The following UBE2V1 variants were observed in gnomAD, a reference collection of about 807,000 sequenced individuals.
UBE2V1 encodes ubiquitin-conjugating enzyme E2 variant 1.
UBE2V1 carries 15 observed loss-of-function variants against 19.6 expected under a neutral mutation model. The ratio of observed to expected loss-of-function variants is 0.77; its 90% CI spans 0.51 to 1.18. UBE2V1 has a LOEUF of 1.18. Among genes scored for constraint, UBE2V1 ranks in the 50% most tolerant of loss-of-function variants. UBE2V1 has a pLI of 0.00. For missense variants in UBE2V1, 125 were observed against 184.8 expected (o/e 0.68, Z 1.88); for synonymous variants, 60 against 60.7 (o/e 0.99, Z 0.05).
At chr20:50,094,150 T>C (rs1159281587) in intron 2 of UBE2V1, among the ~76,000 whole-genome samples, 2 of 126,696 alleles carry the variant, frequency 1.6e-5, no homozygotes, top group Non-Finnish European at 3.3e-5. Flanking sequence ...ATCTTATATA[T>C]AATTATATGT....
intron 1 of UBE2V1, chr20:50,111,666 G>C: frequency 1.2e-6 from 1 of 849,934 alleles, no homozygotes; most frequent in Non-Finnish European, 1.4e-6. Flanking sequence ...GGTCACTTCA[G>C]TCAGATCCCC....
At chr20:50,083,223 C>T (rs919437427) in intron 3 of UBE2V1, among the ~76,000 whole-genome samples, 1 of 152,218 alleles carries the variant, frequency 6.6e-6, no homozygotes, top group African/African-American at 2.4e-5. Context: ...TGGCGGCTGC[C>T]GGGCTCAGGA....
rs1369319531 is a variant in UBE2V1 at position 50,081,695 on chromosome 20, G to T, written c.*1073C>A. On this transcript the variant is annotated 3_prime_UTR_variant, in exon 4 of 4. Coordinates refer to ENST00000371674, the MANE Select transcript of UBE2V1 (RefSeq NM_001032288.3). ...TTTTTAAAAGCAAAAGCAGTTACAG[G>T]AAAGTAAAACAATTCAGAGGGATCA... The T allele has an allele frequency of 5.0e-6, 1 of 199,932 alleles. No individual in the cohort carries two copies. The highest frequency in any genetic ancestry group is 2.3e-5 in the African/African-American group (1 of 42,950). The allele number at this position is 199,932 out of a possible 1,614,324, so 12.4% of individuals were successfully genotyped here.
At chr20:50,086,914 A>C (rs1784343393) in intron 2 of UBE2V1, among the ~76,000 whole-genome samples, 1 of 152,182 alleles carries the variant, frequency 6.6e-6, no homozygotes, top group Non-Finnish European at 1.5e-5. Context: ...TGTCTCTACT[A>C]AAAATACAAA....
intron 2 of UBE2V1, among the ~76,000 whole-genome samples, chr20:50,092,617 T>C (rs2079310892): frequency 6.6e-6 from 1 of 152,244 alleles, no homozygotes; most frequent in South Asian, 2.1e-4. Context: ...CTATTGTTAG[T>C]ACTTCTGTGG....
intron 2 of UBE2V1, among the ~76,000 whole-genome samples, chr20:50,086,008 C>T (rs1475073345): frequency 1.3e-5 from 2 of 152,140 alleles, no homozygotes; most frequent in Non-Finnish European, 2.9e-5. Context: ...CTGAACTCCC[C>T]CAAGTCTCTT....
At chr20:50,113,151 G>A (rs1441101665), upstream of UBE2V1, 5 of 1,332,842 alleles carry the variant, frequency 3.8e-6, no homozygotes, top group Non-Finnish European at 4.9e-6. Flanking sequence ...TTGCTTGAAG[G>A]CCGGCCCCTT....
chr20:50,104,889 G>A (rs879818928), intron 1 of UBE2V1, among the ~76,000 whole-genome samples: 4 of 151,860 alleles, frequency 2.6e-5, no homozygotes, highest in Non-Finnish European at 2.9e-5. Flanking sequence ...ACGACACCCA[G>A]TTAATTCTCA....
chr20:50,100,531 G>A (rs1173622091), intron 1 of UBE2V1, among the ~76,000 whole-genome samples: 2 of 151,982 alleles, frequency 1.3e-5, no homozygotes, highest in Non-Finnish European at 2.9e-5. Flanking sequence ...GTTGCAGTGA[G>A]CTGAGGTTGC....
intron 2 of UBE2V1, among the ~76,000 whole-genome samples, chr20:50,092,068 T>A (rs550229134): frequency 6.6e-6 from 1 of 151,738 alleles, no homozygotes; most frequent in African/African-American, 2.4e-5. Context: ...ATGCCTGTAA[T>A]CCCAGCACTT....
intron 2 of UBE2V1, among the ~76,000 whole-genome samples, chr20:50,086,104 A>T (rs1470474614): frequency 6.6e-6 from 1 of 152,160 alleles, no homozygotes; most frequent in African/African-American, 2.4e-5. Context: ...GATGGCTCCT[A>T]GTGACCTGAA....
chr20:50,099,404 T>C (rs2079840144), intron 1 of UBE2V1, among the ~76,000 whole-genome samples: 1 of 152,174 alleles, frequency 6.6e-6, no homozygotes, highest in African/African-American at 2.4e-5. Flanking sequence ...AGATGATAAG[T>C]GACATCTTAA....
intron 1 of UBE2V1, chr20:50,104,493 T>C (rs895392505): frequency 9.0e-6 from 3 of 334,304 alleles, no homozygotes; most frequent in Non-Finnish European, 1.3e-5. Flanking sequence ...CCGTCTCTAC[T>C]AAAAATACAA....
chr20:50,088,229 G>T (rs538220437), intron 2 of UBE2V1, among the ~76,000 whole-genome samples: 2 of 152,148 alleles, frequency 1.3e-5, no homozygotes, highest in East Asian at 3.9e-4. Context: ...GCCACGAGGA[G>T]CCAGAGATAT....
intron 1 of UBE2V1, among the ~76,000 whole-genome samples, chr20:50,100,786 T>TC (rs1250414712): frequency 2.6e-5 from 4 of 152,222 alleles, no homozygotes; most frequent in Admixed American, 6.5e-5. Context: ...GTAGGACTAT[T>TC]CCTCTTGCAA....
At chr20:50,102,020 G>C (rs998190581) in intron 1 of UBE2V1, among the ~76,000 whole-genome samples, 2 of 152,160 alleles carry the variant, frequency 1.3e-5, no homozygotes, top group African/African-American at 4.8e-5. Flanking sequence ...GCTCAGAGTA[G>C]GGCAAGAGAT....
At chr20:50,103,594 C>T (rs564743729) in intron 1 of UBE2V1, among the ~76,000 whole-genome samples, 240 of 152,128 alleles carry the variant, frequency 1.6e-3, no homozygotes, top group African/African-American at 5.4e-3. Context: ...TCAGTAGAGA[C>T]GGGGTTTTAC....
chr20:50,098,666 C>T (rs1279903989), intron 1 of UBE2V1, among the ~76,000 whole-genome samples: 2 of 152,010 alleles, frequency 1.3e-5, no homozygotes, highest in African/African-American at 2.4e-5. Flanking sequence ...AGAGGACTTT[C>T]GGTGGTATGT....
chr20:50,091,017 A>G (rs1415301965), intron 2 of UBE2V1, among the ~76,000 whole-genome samples: 1 of 152,012 alleles, frequency 6.6e-6, no homozygotes, highest in Non-Finnish European at 1.5e-5. Context: ...GACTAAGTTA[A>G]CCTCTTATTC....
Sources: allele counts gnomAD v4.1 joint callset (sites outside exome capture counted in the v4.1 genomes callset), GRCh38; gene constraint gnomAD v4.1.1; transcripts MANE v1.5; gene names NCBI Gene and HGNC (gene_info 2026-07-23, HGNC 2026-07-21).